GAS7: variants seen among roughly 807,000 people sequenced by gnomAD.
GAS7 encodes the protein growth arrest-specific protein 7.
In GAS7, 28 loss-of-function variants were observed where a neutral mutation model predicts 71.1. That is an observed-to-expected ratio of 0.39 (90% confidence interval 0.29 to 0.54). The LOEUF is 0.54. Ranked by LOEUF, GAS7 falls within the 20% of genes least tolerant of loss-of-function variation. The pLI is 0.62. For missense variants in GAS7, 436 were observed against 627.8 expected (o/e 0.69, Z 3.27); for synonymous variants, 258 against 245.8 (o/e 1.05, Z -0.46).
chr17:9,925,358 T>A (rs2067960250), intron 11 of GAS7, 118 bp downstream of exon 11: 2 of 1,009,704 alleles, frequency 2.0e-6, no homozygotes, highest in African/African-American at 3.2e-5. Flanking sequence ...AGGGAAGTAA[T>A]TTCCTCGCTG....
At chr17:10,007,490 G>A (rs890831693) in intron 2 of GAS7, among the ~76,000 whole-genome samples, 2 of 151,836 alleles carry the variant, frequency 1.3e-5, no homozygotes, top group Admixed American at 6.6e-5. Context: ...CAGGCGTGGT[G>A]GTGGGCACCT....
intron 6 of GAS7, among the ~76,000 whole-genome samples, chr17:9,943,676 C>T (rs1050369586): frequency 6.6e-6 from 1 of 152,186 alleles, no homozygotes; most frequent in African/African-American, 2.4e-5. Context: ...TGTCTTCTAC[C>T]AACTTCTTAC....
Position 9,924,430 on chromosome 17 carries a change from C to G in GAS7, c.1138+1046G>C, listed in dbSNP as rs554697454. ...TCAACTGATCCTCCTGCCTCAGCCT[C>G]TCAGACTGCCGGATTACAGGTGTTA... On this transcript the variant is annotated intron_variant, in intron 11 of 13. Transcript: ENST00000432992. Among the ~76,000 whole-genome samples, 9 of 152,228 alleles carry G rather than the reference C, an allele frequency of 5.9e-5. No homozygotes were observed. In the South Asian group the frequency reaches 1.7e-3, roughly 28 times the overall value.
intron 1 of GAS7, among the ~76,000 whole-genome samples, chr17:10,078,072 TGTG>T (rs2073415131): frequency 8.6e-6 from 1 of 115,798 alleles, no homozygotes; most frequent in African/African-American, 3.4e-5. Flanking sequence ...TGTGTGTGTG[TGTG>T]TGTGTTTTGT....
chr17:10,142,245 T>C (rs2074088795), intron 1 of GAS7, among the ~76,000 whole-genome samples: 1 of 150,942 alleles, frequency 6.6e-6, no homozygotes, highest in African/African-American at 2.4e-5. Flanking sequence ...AGGTACATAG[T>C]AGTTACAAAG....
At position 9,917,274 on chromosome 17, in the gene GAS7, C is replaced by G. The variant is rs371709119; in HGVS notation, c.1385G>C (p.Arg462Thr). Residue 462 changes from arginine (R) to threonine (T), a missense_variant, in exon 14 of 14, where the codon AGA becomes ACA. By Grantham distance (71) the Arg-to-Thr change is moderately conservative (BLOSUM62 -1). Coordinates refer to ENST00000432992, the MANE Select transcript of GAS7 (RefSeq NM_201433.2). ...DPAKDRELWV[R>T]EHKTGNIRPV... is the part of the protein sequence containing the mutation. ...GCGGATGTTGCCCGTCTTGTGCTCTCTGACCCACAGCTCCCTGTCTTTGGC... is the reference window on the plus strand; with the variant it reads ...GCGGATGTTGCCCGTCTTGTGCTCTGTGACCCACAGCTCCCTGTCTTTGGC... 1.2e-6 allele frequency: 2 copies of G among 1,613,908 alleles called. No individual in the cohort carries two copies. Among genetic ancestry groups the G allele is most frequent in the Non-Finnish European group, 1.7e-6 (2 of 1,179,844 alleles).
intron 1 of GAS7, among the ~76,000 whole-genome samples, chr17:10,052,698 C>A (rs1345285112): frequency 6.6e-6 from 1 of 152,226 alleles, no homozygotes; most frequent in Non-Finnish European, 1.5e-5. Flanking sequence ...AAGCCCCTCT[C>A]GTGTAGGCTG....
At chr17:9,996,139 G>T (rs1234353146) in intron 2 of GAS7, among the ~76,000 whole-genome samples, 2 of 152,162 alleles carry the variant, frequency 1.3e-5, no homozygotes, top group Non-Finnish European at 2.9e-5. Context: ...GTTTATTGTG[G>T]CACTATTCAC....
At chr17:10,054,344 T>C (rs185610995) in intron 1 of GAS7, among the ~76,000 whole-genome samples, 3 of 152,154 alleles carry the variant, frequency 2.0e-5, no homozygotes, top group Admixed American at 2.0e-4. Context: ...ACTGCGCAAA[T>C]TGGAAACCCA....
chr17:9,923,584 A>T (rs2067897031), intron 11 of GAS7, among the ~76,000 whole-genome samples: 1 of 152,238 alleles, frequency 6.6e-6, no homozygotes, highest in African/African-American at 2.4e-5. Flanking sequence ...TATGGAGAAA[A>T]GCAAATTAAA....
At chr17:10,090,292 G>A (rs549754667) in intron 1 of GAS7, among the ~76,000 whole-genome samples, 4 of 152,108 alleles carry the variant, frequency 2.6e-5, no homozygotes, top group East Asian at 1.9e-4. Flanking sequence ...TATTCCTTTC[G>A]CTTAAAATAA....
intron 1 of GAS7, among the ~76,000 whole-genome samples, chr17:10,098,361 C>T (rs1424838840): frequency 6.6e-6 from 1 of 152,212 alleles, no homozygotes; most frequent in Non-Finnish European, 1.5e-5. Flanking sequence ...GCCAGGGCTG[C>T]CCACTGCTGT....
chr17:10,036,698 T>C (rs1047933735), intron 1 of GAS7: 6 of 1,292,406 alleles, frequency 4.6e-6, no homozygotes, highest in Non-Finnish European at 5.9e-6. Flanking sequence ...GCTCCAGTGC[T>C]TGCTGGGAAA....
At chr17:10,195,276 T>C (rs1331954753) in intron 1 of GAS7, among the ~76,000 whole-genome samples, 4 of 152,140 alleles carry the variant, frequency 2.6e-5, no homozygotes, top group South Asian at 2.1e-4. Context: ...GTGACTCTCT[T>C]GGAGTTAGCT....
At chr17:10,095,370 A>C (rs2073630054) in intron 1 of GAS7, among the ~76,000 whole-genome samples, 2 of 152,142 alleles carry the variant, frequency 1.3e-5, no homozygotes, top group African/African-American at 4.8e-5. Context: ...GCTATCCCAA[A>C]TTCTCCAGAA....
Position 10,006,019 on chromosome 17 carries a change from C to A in GAS7, c.304+13758G>T, listed in dbSNP as rs998352926. ...TAGAGATCCTGCTATGGGATTAGTG[C>A]CTGGACTCCACTAAGCCACTGGGCT... On this transcript the variant is annotated intron_variant, in intron 2 of 13. Coordinates refer to ENST00000432992, the MANE Select transcript of GAS7 (RefSeq NM_201433.2). Among the ~76,000 whole-genome samples the A allele has an allele frequency of 2.6e-5, 4 of 152,208 alleles. 1 individual carries two copies. The East Asian group carries it at 7.7e-4, about 29-fold the overall frequency.
intron 1 of GAS7, among the ~76,000 whole-genome samples, chr17:10,090,115 G>C (rs2073566457): frequency 6.6e-6 from 1 of 151,978 alleles, no homozygotes; most frequent in Non-Finnish European, 1.5e-5. Flanking sequence ...GTTGCAGTGA[G>C]CCGAGATCGT....
chr17:10,015,790 C>T (rs2071971574), intron 2 of GAS7, among the ~76,000 whole-genome samples: 1 of 152,094 alleles, frequency 6.6e-6, no homozygotes, highest in Non-Finnish European at 1.5e-5. Flanking sequence ...AGACACTCCC[C>T]ATCCCCTAGC....
At position 9,920,989 on chromosome 17, in the gene GAS7, C is replaced by T. The variant is rs115316320; in HGVS notation, c.1139-1284G>A. 8.2e-3 allele frequency among the ~76,000 whole-genome samples: 1,255 copies of T among 152,212 alleles called. 8 individuals are homozygous for T. Among genetic ancestry groups the T allele is most frequent in the Middle Eastern group, 0.034 (10 of 294 alleles). On this transcript the variant is annotated intron_variant, in intron 11 of 13. Coordinates refer to ENST00000432992, the MANE Select transcript of GAS7 (RefSeq NM_201433.2). ...CCAGGCCTAGCTGCGAACCATACCC[C>T]TAGCTATGCCACACACCAGACGCGA... is the stretch of plus-strand genomic sequence containing the variant.
Sources: gnomAD v4.1 joint callset for allele counts (sites outside exome capture counted in the v4.1 genomes callset) on GRCh38, gnomAD v4.1.1 for gene constraint, MANE v1.5 for transcripts, NCBI Gene and HGNC (gene_info 2026-07-23, HGNC 2026-07-21) for gene names.